The following PHF20L1 variants were observed in gnomAD, a reference collection of about 807,000 sequenced individuals.
PHF20L1 encodes PHD finger protein 20-like protein 1.
In PHF20L1, 44 loss-of-function variants were observed where a neutral mutation model predicts 125.5. That is an observed-to-expected ratio of 0.35 (90% confidence interval 0.28 to 0.45). The LOEUF is 0.45. Ranked by LOEUF, PHF20L1 falls within the 20% of genes least tolerant of loss-of-function variation. The probability of loss-of-function intolerance (pLI) is 1.00; values close to 1 mark genes in which losing one functional copy is unlikely to be tolerated. For synonymous variants in PHF20L1, 380 were observed against 403.1 expected (o/e 0.94, Z 0.69); for missense variants, 1,012 against 1,217.2 (o/e 0.83, Z 2.51).
intron 6 of PHF20L1, among the ~76,000 whole-genome samples, chr8:132,802,851 A>C (rs1406812376): frequency 6.6e-6 from 1 of 151,782 alleles, no homozygotes; most frequent in East Asian, 1.9e-4. Context: ...ATGTTGTGAA[A>C]TTTTTAGTTG....
At chr8:132,796,935 C>T (rs939405900) in intron 4 of PHF20L1, among the ~76,000 whole-genome samples, 20 of 152,164 alleles carry the variant, frequency 1.3e-4, no homozygotes, top group South Asian at 6.2e-4. Flanking sequence ...TTGGGGCCTT[C>T]GTTACATGCT....
chr8:132,842,482 TC>T, intron 18 of PHF20L1, 32 bp from the exon 19 acceptor site: 14 of 1,537,510 alleles, frequency 9.1e-6, no homozygotes, highest in Middle Eastern at 1.8e-4. Flanking sequence ...TTTTTTTTTT[TC>T]TGAACTGCTG....
intron 7 of PHF20L1, 116 bp from the exon 8 acceptor site, chr8:132,804,499 G>C: frequency 1.5e-6 from 1 of 681,602 alleles, no homozygotes; most frequent in East Asian, 2.8e-5. Context: ...TCTGTATCAA[G>C]TAGTAGATTA....
At chr8:132,793,929 A>G (rs965549573) in intron 2 of PHF20L1, among the ~76,000 whole-genome samples, 3 of 152,152 alleles carry the variant, frequency 2.0e-5, no homozygotes, top group Non-Finnish European at 4.4e-5. Flanking sequence ...TTTTCCCCAC[A>G]TTGTAAATTC....
chr8:132,831,543 G>C (rs1278906410), intron 14 of PHF20L1, among the ~76,000 whole-genome samples: 1 of 152,060 alleles, frequency 6.6e-6, no homozygotes, highest in African/African-American at 2.4e-5. Context: ...TTATTGATCA[G>C]ATTATCACTG....
intron 12 of PHF20L1, among the ~76,000 whole-genome samples, chr8:132,819,529 G>A (rs968281756): frequency 1.3e-5 from 2 of 151,228 alleles, no homozygotes; most frequent in East Asian, 2.0e-4. Flanking sequence ...CCTGTCCCAC[G>A]TGCATTGAAA....
chr8:132,783,490 T>C (rs1011812243), intron 2 of PHF20L1, among the ~76,000 whole-genome samples: 4 of 152,166 alleles, frequency 2.6e-5, no homozygotes, highest in African/African-American at 9.7e-5. Flanking sequence ...AGTTACTTTT[T>C]TTCTAATTAG....
chr8:132,793,386 A>G (rs961769367), intron 2 of PHF20L1, among the ~76,000 whole-genome samples: 1 of 152,334 alleles, frequency 6.6e-6, no homozygotes, highest in East Asian at 1.9e-4. Context: ...TTGAGCTATA[A>G]AGTAGGTAGT....
intron 2 of PHF20L1, among the ~76,000 whole-genome samples, chr8:132,782,755 ATTTTCT>A (rs997720323): frequency 2.0e-5 from 3 of 149,898 alleles, no homozygotes; most frequent in African/African-American, 7.4e-5. Context: ...TAACCTGCTG[ATTTTCT>A]TTTTCTTTTT....
At chr8:132,815,162 A>T (rs767169206) in intron 10 of PHF20L1, 2 of 256,370 alleles carry the variant, frequency 7.8e-6, no homozygotes, top group African/African-American at 2.2e-5. Flanking sequence ...AAGCATACTG[A>T]GAGGCCTGAT....
chr8:132,824,254 T>A (rs1835912212), intron 13 of PHF20L1, 194 bp downstream of exon 13: 1 of 398,254 alleles, frequency 2.5e-6, no homozygotes, highest in African/African-American at 2.1e-5. Context: ...ATGTAACTTT[T>A]TTGTCAAGAG....
At chr8:132,822,489 G>A (rs962376470) in intron 12 of PHF20L1, among the ~76,000 whole-genome samples, 2 of 151,968 alleles carry the variant, frequency 1.3e-5, no homozygotes, top group Non-Finnish European at 2.9e-5. Context: ...ATATCTGAAT[G>A]TATCTGTACT....
intron 9 of PHF20L1, chr8:132,811,837 T>C: frequency 1.0e-6 from 1 of 984,340 alleles, no homozygotes; most frequent in Non-Finnish European, 1.2e-6. Context: ...TCCTTGGTTC[T>C]CCTGTTTTAA....
intron 8 of PHF20L1, chr8:132,806,958 T>C (rs1833783427): frequency 6.6e-6 from 1 of 152,060 alleles, no homozygotes; most frequent in South Asian, 2.1e-4. Flanking sequence ...TCTATTCACT[T>C]TGCCACATAC....
In PHF20L1 at chr8:132,836,521, C is replaced by T. The variant is rs749153274; in HGVS notation, c.1910-19C>T. 1.5e-5 allele frequency: 23 copies of T among 1,517,334 alleles called. No individual in the cohort carries two copies. The East Asian group carries it at 5.0e-4, about 33-fold the overall frequency. The allele number at this position is 1,517,334 out of a possible 1,614,324, so 94.0% of individuals were successfully genotyped here. A position where few individuals can be genotyped will look rare whatever the true frequency, so the allele number is the denominator to read the frequency against. On this transcript the variant is annotated intron_variant, in intron 15 of 20. Coordinates refer to ENST00000395386, the MANE Select transcript of PHF20L1 (RefSeq NM_016018.5). ...AAATAGAAAAGTTGTTCTAAGTATACTTTTTGTATATATTCTAGACTTATC... is the reference window on the plus strand; with the variant it reads ...AAATAGAAAAGTTGTTCTAAGTATATTTTTTGTATATATTCTAGACTTATC...
chr8:132,828,638 A>G (rs899376506), intron 14 of PHF20L1, among the ~76,000 whole-genome samples: 1 of 152,084 alleles, frequency 6.6e-6, no homozygotes, highest in African/African-American at 2.4e-5. Context: ...TTTGATTAAC[A>G]TAATTGGTTT....
At chr8:132,826,798 A>G (rs1321304451) in intron 14 of PHF20L1, 3 of 152,002 alleles carry the variant, frequency 2.0e-5, no homozygotes, top group Non-Finnish European at 4.4e-5. Context: ...AAACTGTATG[A>G]TCAGTACCTA....
At position 132,775,632 on chromosome 8, in the gene PHF20L1, A is replaced by G. The variant is rs1429027216; in HGVS notation, c.-51A>G. The G allele has an allele frequency of 8.8e-6, 3 of 340,528 alleles. No individual in the cohort carries two copies. The allele number at this position is 340,528 out of a possible 1,614,324, so 21.1% of individuals were successfully genotyped here. ...CGGACGGCCCGGCTGCTGTGCAGAG[A>G]GGAGGCCGAGTCGGTAAGAGGCGGC... On this transcript the variant is annotated 5_prime_UTR_variant, in exon 1 of 21. Transcript: ENST00000395386.
At chr8:132,776,311 A>G (rs7827212) in intron 1 of PHF20L1, among the ~76,000 whole-genome samples, 23,577 of 152,026 alleles carry the variant, frequency 0.16, 2,719 homozygotes, top group African/African-American at 0.33. Context: ...TCTAAGTTTG[A>G]TTCTAGATGT....
Sources: gnomAD v4.1 joint callset for allele counts (sites outside exome capture counted in the v4.1 genomes callset) on GRCh38, gnomAD v4.1.1 for gene constraint, MANE v1.5 for transcripts, NCBI Gene and HGNC (gene_info 2026-07-23, HGNC 2026-07-21) for gene names.